AKAP9: variants seen among roughly 807,000 people sequenced by gnomAD.
The protein encoded by AKAP9 is A-kinase anchor protein 9.
AKAP9 carries 311 observed loss-of-function variants against 488.5 expected under a neutral mutation model. The observed-to-expected ratio is 0.64, with a 90% CI of 0.58 to 0.70. The LOEUF (loss-of-function observed/expected upper bound fraction) is 0.70, where lower values mean the gene tolerates loss of function less well. AKAP9 is among the 30% of genes least tolerant of loss of function. The probability of loss-of-function intolerance (pLI) is 0.00; values close to 1 mark genes in which losing one functional copy is unlikely to be tolerated. For synonymous variants in AKAP9, 1,462 were observed against 1,483.5 expected (o/e 0.99, Z 0.33); for missense variants, 4,215 against 4,374.5 (o/e 0.96, Z 1.03).
At chr7:91,994,550 AT>A (rs1584758524) in intron 5 of AKAP9, 70 bp from the exon 6 acceptor site, 1 of 1,301,262 alleles carries the variant, frequency 7.7e-7, no homozygotes, top group East Asian at 2.5e-5. Context: ...TTGAATTCTT[AT>A]TTTGAAAAAG....
intron 46 of AKAP9, 43 bp downstream of exon 46, chr7:92,102,869 A>C (rs1817812575): frequency 6.7e-6 from 10 of 1,498,006 alleles, no homozygotes; most frequent in Non-Finnish European, 9.3e-6. Flanking sequence ...TAGACTCTCT[A>C]AAAGGATTAG....
chr7:92,050,537 T>C (rs1807801644), intron 21 of AKAP9, among the ~76,000 whole-genome samples: 2 of 152,184 alleles, frequency 1.3e-5, no homozygotes, highest in South Asian at 2.1e-4. Context: ...ACAAATAACA[T>C]TACTAAAGTG....
Position 91,941,117 on chromosome 7 carries a change from A to G in AKAP9, c.18A>G (p.Arg6=). 1 of 1,613,824 alleles carries G rather than the reference A, an allele frequency of 6.2e-7. No individual in the cohort carries two copies. Among genetic ancestry groups the G allele is most frequent in the East Asian group, 2.2e-5 (1 of 44,876 alleles). MEDEE[R]QKKLEAGKAK... ...CAGAGGCCATGGAGGACGAGGAGAGACAGAAGAAGCTGGAGGCCGGCAAAG... is the reference window on the plus strand; with the variant it reads ...CAGAGGCCATGGAGGACGAGGAGAGGCAGAAGAAGCTGGAGGCCGGCAAAG... Residue 6 remains arginine, a synonymous_variant, in exon 1 of 50, where the codon AGA becomes AGG. Coordinates refer to ENST00000356239, the MANE Select transcript of AKAP9 (RefSeq NM_005751.5).
At chr7:92,034,382 A>G (rs1474260936) in intron 16 of AKAP9, among the ~76,000 whole-genome samples, 1 of 151,708 alleles carries the variant, frequency 6.6e-6, no homozygotes, top group East Asian at 1.9e-4. Context: ...TTTTCTGCAG[A>G]TGTAACTGGA....
chr7:92,102,508 C>A lies in AKAP9; in HGVS notation c.11098-86C>A. On this transcript the variant is annotated intron_variant, in intron 45 of 49. Coordinates refer to ENST00000356239, the MANE Select transcript of AKAP9 (RefSeq NM_005751.5). ...ACTACTACCACCACCACCACCACTACTTGTTAAAATCTAGGTTATTTTCCC... is the reference window on the plus strand; with the variant it reads ...ACTACTACCACCACCACCACCACTAATTGTTAAAATCTAGGTTATTTTCCC... 3 of 1,058,752 alleles carry A rather than the reference C, an allele frequency of 2.8e-6. No homozygotes were observed. The South Asian group carries it at 4.0e-5, about 14-fold the overall frequency. The allele number at this position is 1,058,752 out of a possible 1,614,324, so 65.6% of individuals were successfully genotyped here.
intron 3 of AKAP9, among the ~76,000 whole-genome samples, 158 bp from the exon 4 acceptor site, chr7:91,992,000 C>G (rs1357018777): frequency 6.6e-6 from 1 of 152,118 alleles, no homozygotes; most frequent in African/African-American, 2.4e-5. Context: ...CATTATGTCT[C>G]TTAGATATTT....
At chr7:92,008,016 A>C (rs1800152240) in intron 8 of AKAP9, among the ~76,000 whole-genome samples, 1 of 152,240 alleles carries the variant, frequency 6.6e-6, no homozygotes, top group Non-Finnish European at 1.5e-5. Context: ...CAAAATAAGC[A>C]AAGTTAGAAT....
At chr7:91,966,026 A>T (rs944059226) in intron 1 of AKAP9, among the ~76,000 whole-genome samples, 1 of 152,032 alleles carries the variant, frequency 6.6e-6, no homozygotes, top group African/African-American at 2.4e-5. Context: ...CTGTACAGAA[A>T]CTTTTTAGCT....
intron 28 of AKAP9, among the ~76,000 whole-genome samples, chr7:92,075,909 A>G (rs1812507568): frequency 6.6e-6 from 1 of 152,224 alleles, no homozygotes; most frequent in Non-Finnish European, 1.5e-5. Context: ...TTTCTAAGGC[A>G]GTAAATGATT....
Position 92,079,167 on chromosome 7 carries a change from GAGA to G in AKAP9, c.7042_7044del (p.Glu2348del), listed in dbSNP as rs1391817670. The G allele has an allele frequency of 6.8e-6, 11 of 1,613,724 alleles. No homozygotes were observed. The Admixed American group carries it at 1.5e-4, about 22-fold the overall frequency. On this transcript the variant is annotated inframe_deletion, in exon 31 of 50. Transcript: ENST00000356239. ...GATCAAGAATGTGTGAAGAGAAATA[GAGA>G]AGAAGAAATAGAGCAGCTCAATGAA...
At chr7:91,987,247 A>G (rs1433364692) in intron 3 of AKAP9, among the ~76,000 whole-genome samples, 4 of 152,020 alleles carry the variant, frequency 2.6e-5, no homozygotes, top group African/African-American at 9.7e-5. Context: ...CTGAAACCCC[A>G]TGTCTACTAA....
chr7:92,000,872 T>G lies in AKAP9; in HGVS notation c.955T>G (p.Ser319Ala). Reference protein sequence around the residue: ...EMEQDKKVENSNKEEIQEKET... With the variant: ...EMEQDKKVENANKEEIQEKET... ...GGAACAAGATAAAAAAGTAGAAAAC[T>G]CAAATAAAGAAGAAATACAGGAAAA... is the stretch of plus-strand genomic sequence containing the variant. Residue 319 changes from serine (S) to alanine (A), a missense_variant, in exon 8 of 50, where the codon TCA (serine) becomes GCA (alanine). Physicochemically the swap from Ser to Ala is moderately conservative, Grantham distance 99 (BLOSUM62 1). Around this residue, in one of 5 missense-constraint regions of AKAP9, gnomAD observed 2,361 missense variants for 2,430.0 expected, o/e 0.97. Coordinates refer to ENST00000356239, the MANE Select transcript of AKAP9 (RefSeq NM_005751.5). The G allele has an allele frequency of 1.4e-6, 2 of 1,416,552 alleles. No individual in the cohort carries two copies. The highest frequency in any genetic ancestry group is 9.5e-7 in the Non-Finnish European group (1 of 1,056,334). The allele number at this position is 1,416,552 out of a possible 1,614,324, so 87.7% of individuals were successfully genotyped here. A position where few individuals can be genotyped will look rare whatever the true frequency, so the allele number is the denominator to read the frequency against.
intron 22 of AKAP9, among the ~76,000 whole-genome samples, chr7:92,059,223 C>A (rs920397557): frequency 6.6e-6 from 1 of 151,732 alleles, no homozygotes; most frequent in Non-Finnish European, 1.5e-5. Context: ...TTCTTAAATA[C>A]TTTGGAAATA....
At chr7:91,999,293 T>C (rs577056080) in intron 7 of AKAP9, among the ~76,000 whole-genome samples, 1 of 152,324 alleles carries the variant, frequency 6.6e-6, no homozygotes, top group East Asian at 1.9e-4. Flanking sequence ...TGGTGAGATC[T>C]CAGCTCACTG....
Position 92,098,224 on chromosome 7 carries a change from T to G in AKAP9, c.10713+10T>G. On this transcript the variant is annotated intron_variant, in intron 43 of 49. Coordinates refer to ENST00000356239, the MANE Select transcript of AKAP9 (RefSeq NM_005751.5). ...CCAGCAAGGTGAAGAGGTAATACTT[T>G]TTAAAAGTTATTTCTGAAGCATTGA... 6.5e-7 allele frequency: 1 copy of G among 1,534,098 alleles called. No homozygotes were observed. The highest frequency in any genetic ancestry group is 9.0e-7 in the Non-Finnish European group (1 of 1,108,496).
At chr7:92,016,077 A>G in intron 10 of AKAP9, 52 bp from the exon 11 acceptor site, 1 of 1,463,412 alleles carries the variant, frequency 6.8e-7, no homozygotes, top group Non-Finnish European at 9.5e-7. Flanking sequence ...AATCTTTAGA[A>G]GCAGAAATCA....
intron 2 of AKAP9, among the ~76,000 whole-genome samples, chr7:91,979,392 C>T (rs567927149): frequency 4.2e-4 from 64 of 152,050 alleles, no homozygotes; most frequent in Non-Finnish European, 7.6e-4. Context: ...CCACAAGAAC[C>T]GTATGGGGGA....
chr7:92,034,066 G>A (rs1212055680), intron 16 of AKAP9, among the ~76,000 whole-genome samples: 2 of 152,170 alleles, frequency 1.3e-5, no homozygotes, highest in Admixed American at 6.5e-5. Context: ...GGTTGTCATG[G>A]AAGGCCTGAC....
chr7:91,961,166 CT>C (rs966301346), intron 1 of AKAP9, among the ~76,000 whole-genome samples: 27 of 145,654 alleles, frequency 1.9e-4, no homozygotes, highest in Non-Finnish European at 2.1e-4. Context: ...AAAAACTTGG[CT>C]TTTTTTTTTT....
Sources: allele counts gnomAD v4.1 joint callset (sites outside exome capture counted in the v4.1 genomes callset), GRCh38; gene constraint gnomAD v4.1.1; regional missense constraint gnomAD v4.1.1; transcripts MANE v1.5; gene names NCBI Gene and HGNC (gene_info 2026-07-23, HGNC 2026-07-21).